ARHGAP39: variants seen among roughly 807,000 people sequenced by gnomAD.
ARHGAP39 encodes the protein rho GTPase-activating protein 39.
Under a neutral mutation model 106.9 loss-of-function variants are expected in ARHGAP39, and 44 were observed. That is an observed-to-expected ratio of 0.41 (90% CI 0.32 to 0.53). ARHGAP39 has a LOEUF of 0.53. Among genes scored for constraint, ARHGAP39 ranks in the 20% least tolerant of loss-of-function variants. The pLI is 0.21. For missense variants in ARHGAP39, 1,496 were observed against 1,577.3 expected (o/e 0.95, Z 0.87); for synonymous variants, 768 against 693.2 (o/e 1.11, Z -1.69).
At chr8:144,619,765 CGTGT>C (rs372181035) in intron 1 of ARHGAP39, among the ~76,000 whole-genome samples, 5 of 142,148 alleles carry the variant, frequency 3.5e-5, no homozygotes, top group African/African-American at 7.9e-5. Flanking sequence ...AGTGTGTGCC[CGTGT>C]GTGTGAGCCT....
intron 4 of ARHGAP39, among the ~76,000 whole-genome samples, chr8:144,554,975 C>T (rs1174765150): frequency 6.6e-6 from 1 of 152,246 alleles, no homozygotes; most frequent in East Asian, 1.9e-4. Flanking sequence ...GCAGCTGGCC[C>T]TGGCCCTGCA....
At chr8:144,635,984 G>C (rs1404997572) in intron 1 of ARHGAP39, among the ~76,000 whole-genome samples, 1 of 57,612 alleles carries the variant, frequency 1.7e-5, no homozygotes, top group African/African-American at 7.5e-5. Flanking sequence ...TGTGGGGACT[G>C]AATTAGAGGG....
intron 2 of ARHGAP39, among the ~76,000 whole-genome samples, chr8:144,597,027 C>T (rs1357680565): frequency 5.9e-5 from 9 of 152,206 alleles, no homozygotes; most frequent in Non-Finnish European, 1.3e-4. Flanking sequence ...CTTCTCACAC[C>T]AGACGTGGTG....
At chr8:144,623,878 GAGA>G (rs1172859470) in intron 1 of ARHGAP39, among the ~76,000 whole-genome samples, 1 of 152,224 alleles carries the variant, frequency 6.6e-6, no homozygotes, top group African/African-American at 2.4e-5. Flanking sequence ...AAGCCTCCCA[GAGA>G]AGGACTGGCA....
intron 1 of ARHGAP39, among the ~76,000 whole-genome samples, chr8:144,633,515 A>G (rs1424395828): frequency 2.0e-5 from 3 of 152,108 alleles, no homozygotes; most frequent in African/African-American, 7.3e-5. Context: ...CGGCAAAAAA[A>G]GAAAAGAAAT....
At chr8:144,601,297 T>TGCGA (rs1819919426) in intron 2 of ARHGAP39, among the ~76,000 whole-genome samples, 3 of 131,254 alleles carry the variant, frequency 2.3e-5, no homozygotes, top group South Asian at 2.7e-4. Context: ...CATGCGTGCG[T>TGCGA]GCTCATGTAC....
At chr8:144,683,000 G>A (rs957549720) in intron 1 of ARHGAP39, among the ~76,000 whole-genome samples, 9 of 152,094 alleles carry the variant, frequency 5.9e-5, no homozygotes, top group Admixed American at 5.2e-4. Context: ...CTGGCCAGCA[G>A]AGTGAGACCC....
intron 2 of ARHGAP39, among the ~76,000 whole-genome samples, chr8:144,601,354 G>T (rs779634853): frequency 1.4e-5 from 2 of 143,626 alleles, no homozygotes; most frequent in African/African-American, 5.1e-5. Flanking sequence ...ACCTGTGTGC[G>T]TGTGCGAGCT....
chr8:144,555,626 A>G lies in ARHGAP39; in HGVS notation c.530T>C (p.Val177Ala). 2 of 1,613,786 alleles carry G rather than the reference A, an allele frequency of 1.2e-6. No individual in the cohort carries two copies. Among genetic ancestry groups the G allele is most frequent in the Non-Finnish European group, 1.7e-6 (2 of 1,179,976 alleles). Reference protein sequence around the residue: ...EDSGSSSPPGVFLEKDYEIYR... With the variant: ...EDSGSSSPPGAFLEKDYEIYR... ...AATCTCATAGTCCTTCTCAAGGAAC[A>G]CTCCTGGTGGTGAAGAGCTGAAACA... The change falls in exon 4 of 12, where the codon GTG becomes GCG. Residue 177 changes from valine (V) to alanine (A), a missense_variant. Around this residue, in one of 4 missense-constraint regions of ARHGAP39, gnomAD observed 905 missense variants for 816.4 expected, o/e 1.11. Transcript: ENST00000377307.
rs544554213 is a variant in ARHGAP39, at chr8:144,547,577, T to G, written c.1509A>C (p.Gln503His). 6.8e-7 allele frequency: 1 copy of G among 1,473,122 alleles called. No individual in the cohort carries two copies. Among genetic ancestry groups the G allele is most frequent in the African/African-American group, 1.4e-5 (1 of 71,464 alleles). The allele number at this position is 1,473,122 out of a possible 1,614,324, so 91.3% of individuals were successfully genotyped here. A position where few individuals can be genotyped will look rare whatever the true frequency, so the allele number is the denominator to read the frequency against. Residue 503 changes from glutamine (Q) to histidine (H), a missense_variant, in exon 5 of 12, where the codon CAA (glutamine) becomes CAC (histidine). This residue lies in a region of ARHGAP39 where 905 missense variants were observed against 816.4 expected (regional missense o/e 1.11). Transcript: ENST00000377307. This position sits in a 1 kb window ranked among gnomAD's most constrained non-coding sequence, Gnocchi z 5.2. ...KRKSRKPSLC[Q>H]ATSATPTEGP... The stretch of plus-strand genomic sequence containing the variant: ...CCTCAGTGGGGGTGGCGCTGGTGGC[T>G]TGGCACAAAGAGGGCTTTCTGCTCT...
intron 3 of ARHGAP39, among the ~76,000 whole-genome samples, chr8:144,560,004 G>C (rs1818083053): frequency 6.6e-6 from 1 of 152,248 alleles, no homozygotes; most frequent in Non-Finnish European, 1.5e-5. Flanking sequence ...TGCTTGGCCT[G>C]TGGTAGACAG....
At chr8:144,544,916 G>A (rs530293856) in intron 6 of ARHGAP39, among the ~76,000 whole-genome samples, 5 of 152,380 alleles carry the variant, frequency 3.3e-5, no homozygotes, top group Admixed American at 2.6e-4. Flanking sequence ...GCCTGACTAC[G>A]GCTGCTCCGC....
chr8:144,628,713 C>A (rs561564116), intron 1 of ARHGAP39, among the ~76,000 whole-genome samples: 2 of 152,208 alleles, frequency 1.3e-5, no homozygotes, highest in African/African-American at 4.8e-5. Context: ...CTCTAAATAA[C>A]CCATGGGCCA....
At chr8:144,574,733 C>G (rs1427598709) in intron 3 of ARHGAP39, among the ~76,000 whole-genome samples, 1 of 152,152 alleles carries the variant, frequency 6.6e-6, no homozygotes, top group Non-Finnish European at 1.5e-5. Context: ...GTGGTGTACA[C>G]CTGTAGTCTC....
intron 1 of ARHGAP39, among the ~76,000 whole-genome samples, chr8:144,659,360 T>C (rs2129677907): frequency 6.6e-6 from 1 of 152,310 alleles, no homozygotes; most frequent in South Asian, 2.1e-4. Context: ...GAAGAATGCT[T>C]CTTAACACAA....
intron 2 of ARHGAP39, among the ~76,000 whole-genome samples, chr8:144,582,447 C>G (rs758806093): frequency 6.6e-6 from 1 of 152,234 alleles, no homozygotes; most frequent in Non-Finnish European, 1.5e-5. Flanking sequence ...ACAGTGGCGG[C>G]GGCCCCAGCA....
chr8:144,619,271 C>T (rs1169568110), intron 1 of ARHGAP39, among the ~76,000 whole-genome samples: 2 of 152,384 alleles, frequency 1.3e-5, no homozygotes, highest in East Asian at 1.9e-4. Context: ...GGGCTGGCGA[C>T]GCCCGCCATA....
rs1177590108 is a variant in ARHGAP39, at chr8:144,624,615, CCGGTT to C, written c.-81-18925_-81-18921del. ...CTGCGGCAGCCCCTGTCCCGGCGGC[CCGGTT>C]CACGGAGCACTCACTGCACACTGCG... On this transcript the variant is annotated intron_variant, in intron 1 of 11. Coordinates refer to ENST00000377307, the MANE Select transcript of ARHGAP39 (RefSeq NM_025251.3). Among the ~76,000 whole-genome samples, 6 of 137,866 alleles carry C rather than the reference CCGGTT, an allele frequency of 4.4e-5. No individual in the cohort carries two copies. In the East Asian group the frequency reaches 1.1e-3, roughly 25 times the overall value. The allele number at this position is 137,866 out of a possible 152,430, so 90.4% of individuals were successfully genotyped here.
chr8:144,604,160 C>T lies in ARHGAP39; in HGVS notation c.80+1375G>A, dbSNP rs1020994173. Among the ~76,000 whole-genome samples, 2 of 152,148 alleles carry T rather than the reference C, an allele frequency of 1.3e-5. No homozygotes were observed. Among genetic ancestry groups the T allele is most frequent in the African/African-American group, 2.4e-5 (1 of 41,422 alleles). On this transcript the variant is annotated intron_variant, in intron 2 of 11. Transcript: ENST00000377307. The surrounding 1 kb of genome is among the most constrained non-coding windows in gnomAD (Gnocchi z 4.1). Reference sequence around the variant, plus strand: ...ACAGGGAGGCACAAAGCATCAGACACGGAGCCGGGCCCAGAGCGCCCAGAG... The same window carrying T: ...ACAGGGAGGCACAAAGCATCAGACATGGAGCCGGGCCCAGAGCGCCCAGAG...
Sources: allele counts gnomAD v4.1 joint callset (sites outside exome capture counted in the v4.1 genomes callset), GRCh38; gene constraint gnomAD v4.1.1; regional missense constraint gnomAD v4.1.1; non-coding constraint Gnocchi (gnomAD v3.1); transcripts MANE v1.5; gene names NCBI Gene and HGNC (gene_info 2026-07-23, HGNC 2026-07-21).